LNX2: variants seen among roughly 807,000 people sequenced by gnomAD.
The protein encoded by LNX2 is ligand of numb-protein X 2, also known as ligand of Numb protein X 2.
LNX2 carries 35 observed loss-of-function variants against 66.2 expected under a neutral mutation model. That is an observed-to-expected ratio of 0.53 (90% CI 0.40 to 0.70). The LOEUF (loss-of-function observed/expected upper bound fraction) is 0.70, where lower values mean the gene tolerates loss of function less well. LNX2 is among the 30% of genes least tolerant of loss of function. The pLI, the probability that LNX2 is intolerant of heterozygous loss-of-function variation, is 0.00. For synonymous variants in LNX2, 337 were observed against 315.6 expected (o/e 1.07, Z -0.72); for missense variants, 791 against 850.8 (o/e 0.93, Z 0.87).
chr13:27,601,236 T>C (rs996853853), intron 1 of LNX2, among the ~76,000 whole-genome samples: 5 of 152,194 alleles, frequency 3.3e-5, no homozygotes, highest in African/African-American at 1.2e-4. Context: ...CTATCAGTGA[T>C]TGGAATGGGA....
At chr13:27,584,046 C>T (rs1955456714) in intron 1 of LNX2, among the ~76,000 whole-genome samples, 1 of 152,170 alleles carries the variant, frequency 6.6e-6, no homozygotes, top group East Asian at 1.9e-4. Flanking sequence ...GTACACAGCA[C>T]ATTCAGGGAA....
chr13:27,588,592 T>C (rs1955518008), intron 1 of LNX2, among the ~76,000 whole-genome samples: 1 of 152,232 alleles, frequency 6.6e-6, no homozygotes, highest in Non-Finnish European at 1.5e-5. Flanking sequence ...CTGGTTATGA[T>C]ACTGTACTAT....
chr13:27,589,873 CAAGA>C lies in LNX2; in HGVS notation c.-100-8074_-100-8071del, dbSNP rs764972071. 1.0e-3 allele frequency among the ~76,000 whole-genome samples: 159 copies of C among 152,376 alleles called. 1 individual carries two copies. The highest frequency in any genetic ancestry group is 0.01 in the Middle Eastern group (3 of 294). On this transcript the variant is annotated intron_variant, in intron 1 of 9. Coordinates refer to ENST00000316334, the MANE Select transcript of LNX2 (RefSeq NM_153371.4). Reference sequence around the variant, plus strand: ...CGCTGTGGAAAGAACTTTGCTCCAACAAGAAAGACTTCTCCAGCACCTCCAACAC... The same window carrying C: ...CGCTGTGGAAAGAACTTTGCTCCAACAAGACTTCTCCAGCACCTCCAACAC...
intron 1 of LNX2, among the ~76,000 whole-genome samples, chr13:27,583,258 G>GCGCGC (rs1461973861): frequency 2.4e-5 from 2 of 84,858 alleles, no homozygotes; most frequent in East Asian, 5.5e-4. Context: ...GTGTGTGTGC[G>GCGCGC]CGCGTCCTCT....
rs557796929 is a variant in LNX2, at chr13:27,554,524, T to C, written c.1547-1085A>G. On this transcript the variant is annotated intron_variant, in intron 7 of 9. Coordinates refer to ENST00000316334, the MANE Select transcript of LNX2 (RefSeq NM_153371.4). ...TTATATCTAGCTTCTTTTACTTGCATAATATTTTCAGGGTTCATCCTTGTA... is the reference window on the plus strand; with the variant it reads ...TTATATCTAGCTTCTTTTACTTGCACAATATTTTCAGGGTTCATCCTTGTA... 2.0e-5 allele frequency among the ~76,000 whole-genome samples: 3 copies of C among 152,330 alleles called. No homozygotes were observed. In the South Asian group the frequency reaches 6.2e-4, roughly 32 times the overall value.
At chr13:27,597,637 T>C (rs1593260340) in intron 1 of LNX2, among the ~76,000 whole-genome samples, 1 of 151,914 alleles carries the variant, frequency 6.6e-6, no homozygotes, top group Non-Finnish European at 1.5e-5. Context: ...GTTATGGCAA[T>C]AATGAAGGGG....
intron 1 of LNX2, among the ~76,000 whole-genome samples, chr13:27,604,841 G>T (rs915746378): frequency 6.8e-6 from 1 of 145,998 alleles, no homozygotes; most frequent in Non-Finnish European, 1.5e-5. Flanking sequence ...TTATTATTAA[G>T]TTATTTCTAT....
At chr13:27,553,746 C>A (rs1486107836) in intron 7 of LNX2, among the ~76,000 whole-genome samples, 1 of 152,136 alleles carries the variant, frequency 6.6e-6, no homozygotes, top group South Asian at 2.1e-4. Context: ...AGGCCCTGGG[C>A]AGGTTCATTT....
At chr13:27,618,002 A>C (rs112246768) in intron 1 of LNX2, among the ~76,000 whole-genome samples, 5,823 of 152,324 alleles carry the variant, frequency 0.038, 121 homozygotes, top group Middle Eastern at 0.044. Context: ...CCTACTCAAC[A>C]GGTACGACAA....
Position 27,581,307 on chromosome 13 carries a change from G to C in LNX2, c.397C>G (p.Leu133Val), listed in dbSNP as rs1955394346. 8 of 1,474,642 alleles carry C rather than the reference G, an allele frequency of 5.4e-6. No homozygotes were observed. The highest frequency in any genetic ancestry group is 7.2e-6 in the Non-Finnish European group (8 of 1,109,816). 91.3% of individuals were successfully genotyped at this position (1,474,642 alleles called of 1,614,324 possible). A position where few individuals can be genotyped will look rare whatever the true frequency, so the allele number is the denominator to read the frequency against. ...VMQRCDLEAH[L>V]KNRCPGASHR... Reference sequence around the variant, plus strand: ...ATATTTTTTGCTTACCTGTTTTTGAGATGTGCCTCCAGATCACAACGTTGC... The same window carrying C: ...ATATTTTTTGCTTACCTGTTTTTGACATGTGCCTCCAGATCACAACGTTGC... The change falls in exon 2 of 10, where the codon CTC becomes GTC. Residue 133 changes from leucine (L) to valine (V), a missense_variant. Physicochemically the swap from Leu to Val is conservative, Grantham distance 32 (BLOSUM62 1). Transcript: ENST00000316334.
Position 27,556,310 on chromosome 13 carries a change from C to T in LNX2, c.1472G>A (p.Ser491Asn), listed in dbSNP as rs1955059959. 2.5e-6 allele frequency: 4 copies of T among 1,613,944 alleles called. No homozygotes were observed. Among genetic ancestry groups the T allele is most frequent in the South Asian group, 2.2e-5 (2 of 91,082 alleles). The change falls in exon 7 of 10, where the codon AGT becomes AAT. Residue 491 changes from serine to asparagine, a missense_variant. Ser to Asn is a conservative substitution (Grantham distance 46). Coordinates refer to ENST00000316334, the MANE Select transcript of LNX2 (RefSeq NM_153371.4). Reference protein sequence around the residue: ...MTVAGGRGSKSGELPIFVTSV... With the variant: ...MTVAGGRGSKNGELPIFVTSV... ...GGTCACAAAGATGGGCAGCTCACCA[C>T]TCTTACTTCCCCTGCCCCCAGCAAC...
intron 6 of LNX2, among the ~76,000 whole-genome samples, chr13:27,557,581 T>C (rs1333192037): frequency 6.6e-6 from 1 of 151,958 alleles, no homozygotes; most frequent in East Asian, 1.9e-4. Flanking sequence ...ATATAAAAAA[T>C]ACAAATTACA....
intron 3 of LNX2, 37 bp downstream of exon 3, chr13:27,568,990 AAT>A: frequency 6.4e-7 from 1 of 1,552,120 alleles, no homozygotes; most frequent in Non-Finnish European, 8.7e-7. Context: ...GAAGAAAGGA[AAT>A]AGAGATGAAA....
chr13:27,614,783 G>A (rs1020856216), intron 1 of LNX2, among the ~76,000 whole-genome samples: 5 of 152,158 alleles, frequency 3.3e-5, no homozygotes. Flanking sequence ...TCTCATAAAC[G>A]ATTAAGTCTT....
chr13:27,558,600 A>G (rs538838632), intron 6 of LNX2, among the ~76,000 whole-genome samples: 2 of 152,224 alleles, frequency 1.3e-5, no homozygotes, highest in Non-Finnish European at 2.9e-5. Flanking sequence ...TTATAGTTTT[A>G]TATGTATAAA....
chr13:27,560,069 A>G (rs1401741067), intron 5 of LNX2, 84 bp from the exon 6 acceptor site: 19 of 1,261,906 alleles, frequency 1.5e-5, no homozygotes, highest in Non-Finnish European at 2.0e-5. Context: ...TTTTCAATGA[A>G]CTTCTTAATC....
Position 27,581,331 on chromosome 13 carries a change from G to C in LNX2, c.373C>G (p.Gln125Glu). 6.6e-7 allele frequency: 1 copy of C among 1,520,392 alleles called. No individual in the cohort carries two copies. The highest frequency in any genetic ancestry group is 1.3e-5 in the South Asian group (1 of 76,122). The allele number at this position is 1,520,392 out of a possible 1,614,324, so 94.2% of individuals were successfully genotyped here. ...PFSSVCKDVM[Q>E]RCDLEAHLKN... ...AGATGTGCCTCCAGATCACAACGTT[G>C]CATTACATCTTTGCACACTGAAGAA... Residue 125 changes from glutamine to glutamate, a missense_variant, in exon 2 of 10, where the codon CAA (glutamine) becomes GAA (glutamate). Gln to Glu is a conservative substitution (Grantham distance 29). Coordinates refer to ENST00000316334, the MANE Select transcript of LNX2 (RefSeq NM_153371.4).
intron 1 of LNX2, among the ~76,000 whole-genome samples, chr13:27,620,158 C>A (rs1030737107): frequency 8.7e-6 from 1 of 114,680 alleles, no homozygotes; most frequent in Non-Finnish European, 2.1e-5. Flanking sequence ...ACTCTCCCTC[C>A]TGGACCAGAC....
chr13:27,565,307 A>G (rs576721570), intron 4 of LNX2, among the ~76,000 whole-genome samples: 4 of 152,320 alleles, frequency 2.6e-5, no homozygotes, highest in African/African-American at 7.2e-5. Context: ...ATAAATAAAA[A>G]CATTTGTAAC....
Sources: allele counts gnomAD v4.1 joint callset (sites outside exome capture counted in the v4.1 genomes callset), GRCh38; gene constraint gnomAD v4.1.1; transcripts MANE v1.5; gene names NCBI Gene and HGNC (gene_info 2026-07-23, HGNC 2026-07-21).